MACROD2: variants seen among roughly 807,000 people sequenced by gnomAD.
The protein encoded by MACROD2 is mono-ADP ribosylhydrolase 2.
A neutral mutation model predicts 70.4 loss-of-function variants in MACROD2; 36 were observed. That is an observed-to-expected ratio of 0.51 (90% CI 0.39 to 0.68). The LOEUF (loss-of-function observed/expected upper bound fraction) is 0.68. MACROD2 is among the 30% of genes least tolerant of loss of function. The probability of loss-of-function intolerance (pLI) is 0.00; values close to 1 mark genes in which losing one functional copy is unlikely to be tolerated. For synonymous variants in MACROD2, 172 were observed against 178.8 expected (o/e 0.96, Z 0.30); for missense variants, 496 against 538.4 (o/e 0.92, Z 0.78).
chr20:15,157,341 A>G (rs953693041), intron 5 of MACROD2, among the ~76,000 whole-genome samples: 1 of 136,564 alleles, frequency 7.3e-6, no homozygotes, highest in Admixed American at 7.4e-5. Flanking sequence ...ATCTAAATCT[A>G]ATTAACCACC....
At chr20:14,183,493 C>T (rs901771185) in intron 3 of MACROD2, among the ~76,000 whole-genome samples, 6 of 152,072 alleles carry the variant, frequency 3.9e-5, no homozygotes, top group East Asian at 3.9e-4. Context: ...TAAACAGACA[C>T]GTGCATGTGT....
At chr20:14,898,543 A>G (rs1269457392) in intron 5 of MACROD2, among the ~76,000 whole-genome samples, 1 of 152,184 alleles carries the variant, frequency 6.6e-6, no homozygotes, top group Non-Finnish European at 1.5e-5. Context: ...CCTGGCCAAC[A>G]TGGTGAAACC....
At chr20:15,422,107 A>C (rs1482907135) in intron 6 of MACROD2, among the ~76,000 whole-genome samples, 2 of 152,142 alleles carry the variant, frequency 1.3e-5, no homozygotes, top group Non-Finnish European at 2.9e-5. Context: ...AGCAAGGAAA[A>C]AGTGGAAGGG....
At chr20:14,970,388 G>A (rs1330534140) in intron 5 of MACROD2, among the ~76,000 whole-genome samples, 2 of 151,770 alleles carry the variant, frequency 1.3e-5, no homozygotes, top group Admixed American at 6.6e-5. Flanking sequence ...AATTAACCTC[G>A]TTTAAGTGTT....
intron 3 of MACROD2, among the ~76,000 whole-genome samples, chr20:14,439,823 T>C (rs1160842986): frequency 1.8e-4 from 27 of 152,204 alleles, no homozygotes; most frequent in Admixed American, 1.8e-3. Flanking sequence ...GAAAAGGTTT[T>C]TTGTTTTGTT....
intron 5 of MACROD2, among the ~76,000 whole-genome samples, chr20:14,910,744 C>T (rs756920740): frequency 7.2e-5 from 11 of 152,116 alleles, no homozygotes; most frequent in Non-Finnish European, 8.8e-5. Context: ...GTTGATATCC[C>T]GCTAGCCTTT....
chr20:16,009,342 C>T (rs1487260493), intron 15 of MACROD2, among the ~76,000 whole-genome samples: 1 of 152,194 alleles, frequency 6.6e-6, no homozygotes, highest in Non-Finnish European at 1.5e-5. Context: ...GCTACCCCTA[C>T]CCCTCAGCTT....
intron 4 of MACROD2, among the ~76,000 whole-genome samples, chr20:14,668,527 T>C (rs974274626): frequency 6.6e-6 from 1 of 152,170 alleles, no homozygotes; most frequent in African/African-American, 2.4e-5. Context: ...TTGATTCGGA[T>C]TGGGATCCTC....
chr20:15,296,739 A>G (rs1004308527), intron 6 of MACROD2, among the ~76,000 whole-genome samples: 3 of 152,198 alleles, frequency 2.0e-5, no homozygotes, highest in Non-Finnish European at 1.5e-5. Flanking sequence ...GATCCCTAAG[A>G]AGAATATCTC....
chr20:15,902,628 C>G (rs535943254), intron 10 of MACROD2, among the ~76,000 whole-genome samples: 1 of 152,036 alleles, frequency 6.6e-6, no homozygotes, highest in African/African-American at 2.4e-5. Flanking sequence ...TGCGCCCTCT[C>G]GGATCACTTG....
chr20:14,109,792 G>T (rs1185226665), intron 3 of MACROD2, among the ~76,000 whole-genome samples: 4 of 151,746 alleles, frequency 2.6e-5, no homozygotes, highest in African/African-American at 9.7e-5. Context: ...GGACCCAGTG[G>T]TTTCATTGTT....
intron 5 of MACROD2, among the ~76,000 whole-genome samples, chr20:14,967,129 G>A (rs75503439): frequency 1.3e-5 from 2 of 152,006 alleles, no homozygotes; most frequent in Non-Finnish European, 2.9e-5. Context: ...ATCTTTTTTT[G>A]TAAATGCTTC....
chr20:15,986,681 C>A, intron 13 of MACROD2, 46 bp from the exon 14 acceptor site: 2 of 1,439,740 alleles, frequency 1.4e-6, no homozygotes, highest in South Asian at 2.4e-5. Flanking sequence ...AAGCTACGGT[C>A]ATGCATATCA....
intron 5 of MACROD2, among the ~76,000 whole-genome samples, chr20:14,870,951 A>G (rs1200322073): frequency 6.6e-6 from 1 of 152,124 alleles, no homozygotes; most frequent in Admixed American, 6.6e-5. Flanking sequence ...CTTTAGTTTA[A>G]TTAGATCACA....
At chr20:14,858,615 A>C (rs1310550208) in intron 5 of MACROD2, among the ~76,000 whole-genome samples, 2 of 152,128 alleles carry the variant, frequency 1.3e-5, no homozygotes, top group Non-Finnish European at 2.9e-5. Context: ...ACTTCTACCT[A>C]CCCAAAGCAC....
At chr20:14,416,115 C>T (rs944316489) in intron 3 of MACROD2, among the ~76,000 whole-genome samples, 2 of 151,944 alleles carry the variant, frequency 1.3e-5, no homozygotes, top group African/African-American at 2.4e-5. Flanking sequence ...CACACCACCA[C>T]GCCCAGCTAA....
At chr20:14,795,675 ATAGGAAT>A (rs1258314637) in intron 5 of MACROD2, among the ~76,000 whole-genome samples, 1 of 152,166 alleles carries the variant, frequency 6.6e-6, no homozygotes, top group East Asian at 1.9e-4. Flanking sequence ...AAGGCCAGTG[ATAGGAAT>A]TAGTAAGTTA....
At chr20:15,727,221 T>C (rs1008124357) in intron 8 of MACROD2, among the ~76,000 whole-genome samples, 6 of 152,110 alleles carry the variant, frequency 3.9e-5, no homozygotes, top group African/African-American at 9.7e-5. Flanking sequence ...CATTGCTTGT[T>C]TTTAACTTAA....
chr20:15,949,034 G>A (rs1161004504), intron 12 of MACROD2, among the ~76,000 whole-genome samples: 1 of 152,102 alleles, frequency 6.6e-6, no homozygotes, highest in African/African-American at 2.4e-5. Context: ...AAATTTAGTG[G>A]CCTTGTTTTT....
Sources: allele counts gnomAD v4.1 joint callset (sites outside exome capture counted in the v4.1 genomes callset), GRCh38; gene constraint gnomAD v4.1.1; transcripts MANE v1.5; gene names NCBI Gene and HGNC (gene_info 2026-07-23, HGNC 2026-07-21).